Variants in MICU1 observed in about 807,000 individuals in gnomAD.
MICU1 encodes the protein calcium uptake protein 1, mitochondrial.
MICU1 carries 45 observed loss-of-function variants against 56.8 expected under a neutral mutation model. The ratio of observed to expected loss-of-function variants is 0.79; its 90% CI spans 0.62 to 1.02. The LOEUF is 1.02. MICU1 is among the 50% of genes least tolerant of loss of function. The pLI, the probability that MICU1 is intolerant of heterozygous loss-of-function variation, is 0.00. For synonymous variants in MICU1, 186 were observed against 195.1 expected, an observed-to-expected ratio of 0.95 and a Z score of 0.39; for missense variants, 504 against 587.1, an observed-to-expected ratio of 0.86 and a Z score of 1.46.
chr10:72,530,282 G>A (rs1457941589), intron 5 of MICU1, among the ~76,000 whole-genome samples: 4 of 149,794 alleles, frequency 2.7e-5, no homozygotes, highest in Non-Finnish European at 4.4e-5. Flanking sequence ...GCAGTGGGCC[G>A]AGATCACGAC....
intron 11 of MICU1, among the ~76,000 whole-genome samples, chr10:72,369,729 G>A (rs1862264542): frequency 6.6e-6 from 1 of 151,912 alleles, no homozygotes; most frequent in South Asian, 2.1e-4. Context: ...TTTGTTTTGA[G>A]ACGGAGTCTT....
In MICU1 at chr10:72,626,027, C is replaced by A. The variant is rs185828478; in HGVS notation, c.-19G>T. ...AGACTCACGCGTCCAAACACGAGCT[C>A]CAGCAGCCTCTCGGTCAAAGCCGCC... On this transcript the variant is annotated 5_prime_UTR_variant, in exon 1 of 12. Coordinates refer to ENST00000361114, the MANE Select transcript of MICU1 (RefSeq NM_001195518.2). The A allele has an allele frequency of 6.5e-6, 1 of 152,958 alleles. No homozygotes were observed. Among genetic ancestry groups the A allele is most frequent in the Admixed American group, 6.5e-5 (1 of 15,288 alleles). The allele number at this position is 152,958 out of a possible 1,614,324, so 9.5% of individuals were successfully genotyped here. A position where few individuals can be genotyped will look rare whatever the true frequency, so the allele number is the denominator to read the frequency against.
chr10:72,505,663 A>G (rs1386455838), intron 6 of MICU1, among the ~76,000 whole-genome samples: 1 of 152,222 alleles, frequency 6.6e-6, no homozygotes, highest in African/African-American at 2.4e-5. Context: ...CTCTGCAGCA[A>G]CATGGATGTA....
At chr10:72,448,165 ATGTGTGTG>A (rs71018288) in intron 8 of MICU1, among the ~76,000 whole-genome samples, 6 of 85,666 alleles carry the variant, frequency 7.0e-5, no homozygotes, top group Non-Finnish European at 1.4e-4. Flanking sequence ...GTGTGTGTAT[ATGTGTGTG>A]TATATATATA....
rs762346799 is a variant in MICU1, at chr10:72,407,972, A to G, written c.1137T>C (p.Thr379=). 25 of 1,613,872 alleles carry G rather than the reference A, an allele frequency of 1.5e-5. No homozygotes were observed. The South Asian group carries it at 2.4e-4, about 16-fold the overall frequency. Residue 379 remains threonine (T), a synonymous_variant, in exon 10 of 12, where the codon ACT becomes ACC. Transcript: ENST00000361114. ...CAGCCATATGGTAAAAACTCAATGC[A>G]GTGTCCACATCATTAATGTTCTTTA... ...TFLKNINDVD[T]ALSFYHMAGA...
chr10:72,599,822 A>T (rs1329148011), intron 1 of MICU1, among the ~76,000 whole-genome samples: 3 of 152,156 alleles, frequency 2.0e-5, no homozygotes, highest in African/African-American at 7.2e-5. Flanking sequence ...ATGCACACAA[A>T]CACACACTCT....
intron 10 of MICU1, among the ~76,000 whole-genome samples, chr10:72,385,600 T>C (rs1345177957): frequency 2.6e-5 from 4 of 152,218 alleles, no homozygotes; most frequent in Non-Finnish European, 5.9e-5. Context: ...AATGTCCCTA[T>C]CTTCAGAATA....
chr10:72,402,135 T>C (rs904833434), intron 10 of MICU1, among the ~76,000 whole-genome samples: 2 of 141,340 alleles, frequency 1.4e-5, no homozygotes, highest in African/African-American at 2.6e-5. Flanking sequence ...AATGCTTCCA[T>C]TGGAAGATTT....
At position 72,488,952 on chromosome 10, in the gene MICU1, AT is replaced by A. The variant is rs1329593461; in HGVS notation, c.653-11697del. 7.2e-5 allele frequency among the ~76,000 whole-genome samples: 11 copies of A among 152,288 alleles called. No homozygotes were observed. The South Asian group carries it at 2.3e-3, about 32-fold the overall frequency. On this transcript the variant is annotated intron_variant, in intron 6 of 11. Coordinates refer to ENST00000361114, the MANE Select transcript of MICU1 (RefSeq NM_001195518.2). ...ATTAATTTAAAAATAATAACTAACGATTACTTAGGGCTCACCATGTGGGTCA... is the reference window on the plus strand; with the variant it reads ...ATTAATTTAAAAATAATAACTAACGATACTTAGGGCTCACCATGTGGGTCA...
At chr10:72,389,607 G>C (rs1304035577) in intron 10 of MICU1, among the ~76,000 whole-genome samples, 1 of 152,170 alleles carries the variant, frequency 6.6e-6, no homozygotes, top group African/African-American at 2.4e-5. Context: ...GAATAGTAAA[G>C]ACCAGGGACT....
chr10:72,400,340 G>T (rs1467500205), intron 10 of MICU1, among the ~76,000 whole-genome samples: 1 of 152,070 alleles, frequency 6.6e-6, no homozygotes, highest in Non-Finnish European at 1.5e-5. Context: ...AACACAGACA[G>T]TGATTCATCC....
intron 7 of MICU1, among the ~76,000 whole-genome samples, chr10:72,476,443 G>A (rs1276375791): frequency 6.6e-6 from 1 of 151,918 alleles, no homozygotes; most frequent in African/African-American, 2.4e-5. Flanking sequence ...TGCCCAGGCT[G>A]GTTTCAAACT....
intron 6 of MICU1, among the ~76,000 whole-genome samples, chr10:72,482,445 G>C (rs1589263992): frequency 1.3e-5 from 2 of 152,036 alleles, no homozygotes; most frequent in East Asian, 3.9e-4. Flanking sequence ...TCTGAGTTTT[G>C]AAAAAAACTT....
intron 11 of MICU1, among the ~76,000 whole-genome samples, chr10:72,373,638 G>C (rs1367592786): frequency 6.6e-6 from 1 of 152,122 alleles, no homozygotes; most frequent in Non-Finnish European, 1.5e-5. Flanking sequence ...TTTCTAAAAA[G>C]CTAGAAAATC....
chr10:72,386,307 G>A (rs1029272096), intron 10 of MICU1, among the ~76,000 whole-genome samples: 4 of 151,994 alleles, frequency 2.6e-5, no homozygotes, highest in African/African-American at 9.7e-5. Flanking sequence ...TTAGCCTTCT[G>A]AGTAGCTGGG....
At chr10:72,475,951 G>A in intron 7 of MICU1, 5 of 454,662 alleles carry the variant, frequency 1.1e-5, no homozygotes, top group Middle Eastern at 3.3e-4. Context: ...TCATGACCAG[G>A]TGTGGTGGCT....
At chr10:72,583,830 T>C (rs1221465814) in intron 1 of MICU1, among the ~76,000 whole-genome samples, 1 of 152,118 alleles carries the variant, frequency 6.6e-6, no homozygotes, top group Non-Finnish European at 1.5e-5. Context: ...CAAAATACAG[T>C]AGAGATTAAT....
intron 5 of MICU1, among the ~76,000 whole-genome samples, chr10:72,532,525 A>G (rs945011789): frequency 6.6e-6 from 1 of 152,138 alleles, no homozygotes; most frequent in Non-Finnish European, 1.5e-5. Context: ...GACCCTCCAA[A>G]GACTCTGAAA....
chr10:72,418,916 T>C (rs910388714), intron 9 of MICU1, among the ~76,000 whole-genome samples: 3 of 152,332 alleles, frequency 2.0e-5, no homozygotes, highest in Non-Finnish European at 2.9e-5. Flanking sequence ...TCAATCTTAA[T>C]CTCGTTGCTA....
Sources: allele counts gnomAD v4.1 joint callset (sites outside exome capture counted in the v4.1 genomes callset), GRCh38; gene constraint gnomAD v4.1.1; transcripts MANE v1.5; gene names NCBI Gene and HGNC (gene_info 2026-07-23, HGNC 2026-07-21).